PLA2G12B: variants seen among roughly 807,000 people sequenced by gnomAD.
PLA2G12B encodes the protein group XIIB secretory phospholipase A2-like protein.
A neutral mutation model predicts 22.3 loss-of-function variants in PLA2G12B; 19 were observed. The observed-to-expected ratio is 0.85, with a 90% CI of 0.60 to 1.25. The LOEUF (loss-of-function observed/expected upper bound fraction) is 1.25. Among genes scored for constraint, PLA2G12B ranks in the 50% most tolerant of loss-of-function variants. The pLI, the probability that PLA2G12B is intolerant of heterozygous loss-of-function variation, is 0.00. For synonymous variants in PLA2G12B, 81 were observed against 94.9 expected, an observed-to-expected ratio of 0.85 and a Z score of 0.85; for missense variants, 191 against 246.6, an observed-to-expected ratio of 0.77 and a Z score of 1.51.
At chr10:72,952,856 C>T (rs1846553805) in intron 1 of PLA2G12B, among the ~76,000 whole-genome samples, 1 of 152,198 alleles carries the variant, frequency 6.6e-6, no homozygotes, top group Non-Finnish European at 1.5e-5. Context: ...GCCAGAGGCT[C>T]CGCAACTAAA....
At chr10:72,941,429 C>T (rs537421064) in intron 2 of PLA2G12B, 95 bp from the exon 3 acceptor site, 1 of 1,226,854 alleles carries the variant, frequency 8.2e-7, no homozygotes, top group East Asian at 2.3e-5. Flanking sequence ...TATTAACTAG[C>T]TGGTTCTCAC....
At chr10:72,947,758 C>G (rs541722079) in intron 1 of PLA2G12B, among the ~76,000 whole-genome samples, 2 of 152,178 alleles carry the variant, frequency 1.3e-5, no homozygotes, top group African/African-American at 2.4e-5. Flanking sequence ...ATGGCTTACA[C>G]GGCAGAAATT....
rs367742390 is a variant in PLA2G12B, at chr10:72,947,686, A to C, written c.212-4946T>G. Among the ~76,000 whole-genome samples, 12 of 152,294 alleles carry C rather than the reference A, an allele frequency of 7.9e-5. No individual in the cohort carries two copies. In the East Asian group the frequency reaches 2.1e-3, roughly 27 times the overall value. The stretch of plus-strand genomic sequence containing the variant: ...CACCCCCAAGGTAGACCTTGTGCCC[A>C]TTCAGCAGTCATTCCCTGTCTCAGG... On this transcript the variant is annotated intron_variant, in intron 1 of 3. Transcript: ENST00000373032.
chr10:72,943,255 C>A (rs1589541628), intron 1 of PLA2G12B, among the ~76,000 whole-genome samples: 3 of 152,278 alleles, frequency 2.0e-5, no homozygotes, highest in South Asian at 4.2e-4. Context: ...CGTGAGCCAC[C>A]ACACCCAATA....
intron 1 of PLA2G12B, 123 bp downstream of exon 1, chr10:72,954,352 C>T (rs1174190459): frequency 1.2e-5 from 14 of 1,164,628 alleles, no homozygotes; most frequent in Non-Finnish European, 1.7e-5. Context: ...ACATTTTTAT[C>T]TGCTAAATCT....
At position 72,954,492 on chromosome 10, in the gene PLA2G12B, T is replaced by A; in HGVS notation, c.194A>T (p.Gln65Leu). Residue 65 changes from glutamine to leucine, a missense_variant, in exon 1 of 4, where the codon CAG becomes CTG. Gln to Leu is a moderately radical substitution (Grantham distance 113). Transcript: ENST00000373032. Reference sequence around the variant, plus strand: ...ACACTCACCATATCGGCACCTGTACTGACAGACTCCATTCTTCCCTCCCAG... The same window carrying A: ...ACACTCACCATATCGGCACCTGTACAGACAGACTCCATTCTTCCCTCCCAG... Reference protein sequence around the residue: ...ELLGGKNGVCQYRCRYGKAPM... With the variant: ...ELLGGKNGVCLYRCRYGKAPM... The A allele has an allele frequency of 6.2e-7, 1 of 1,614,194 alleles. No individual in the cohort carries two copies. The highest frequency in any genetic ancestry group is 1.7e-5 in the Admixed American group (1 of 60,016).
chr10:72,951,453 T>TC (rs1491521330), intron 1 of PLA2G12B, among the ~76,000 whole-genome samples: 10 of 99,460 alleles, frequency 1.0e-4, no homozygotes, highest in African/African-American at 2.5e-4. Flanking sequence ...CACAGACTCC[T>TC]TTTTTTTTTT....
chr10:72,948,869 A>G (rs563027220), intron 1 of PLA2G12B, among the ~76,000 whole-genome samples: 1 of 152,368 alleles, frequency 6.6e-6, no homozygotes, highest in South Asian at 2.1e-4. Context: ...TAAAAGACCA[A>G]CTGGAGGGAG....
At chr10:72,942,769 A>G in intron 1 of PLA2G12B, 29 bp from the exon 2 acceptor site, 1 of 1,518,030 alleles carries the variant, frequency 6.6e-7, no homozygotes, top group Non-Finnish European at 9.0e-7. Flanking sequence ...GAAAGAAGCA[A>G]GAAGAAATAT....
intron 3 of PLA2G12B, among the ~76,000 whole-genome samples, chr10:72,937,593 A>T (rs1306511644): frequency 1.3e-5 from 2 of 152,358 alleles, no homozygotes; most frequent in African/African-American, 2.4e-5. Context: ...CACAAAAATA[A>T]CAATCTATAG....
Position 72,942,461 on chromosome 10 carries a change from G to A in PLA2G12B, c.300+191C>T, listed in dbSNP as rs757591435. On this transcript the variant is annotated intron_variant, in intron 2 of 3. Coordinates refer to ENST00000373032, the MANE Select transcript of PLA2G12B (RefSeq NM_032562.5). ...CTGATCCACTACCAAGGGCTTATCTGAGGGACAGCTGTCCCTGAGAAAAGG... is the reference window on the plus strand; with the variant it reads ...CTGATCCACTACCAAGGGCTTATCTAAGGGACAGCTGTCCCTGAGAAAAGG... Among the ~76,000 whole-genome samples the A allele has an allele frequency of 3.3e-5, 5 of 152,148 alleles. No homozygotes were observed. In the East Asian group the frequency reaches 9.6e-4, roughly 29 times the overall value.
Position 72,942,660 on chromosome 10 carries a change from G to A in PLA2G12B, c.292C>T (p.Pro98Ser), listed in dbSNP as rs1846381108. The change falls in exon 2 of 4, where the codon CCA (proline) becomes TCA (serine). Residue 98 changes from proline to serine, a missense_variant. Physicochemically the swap from Pro to Ser is moderately conservative, Grantham distance 74 (BLOSUM62 -1). Transcript: ENST00000373032. ...ATGCTGGCAGTACATACACTTTCTGGTACCTTGAGACCCAGGAAATAGGAG... is the reference window on the plus strand; with the variant it reads ...ATGCTGGCAGTACATACACTTTCTGATACCTTGAGACCCAGGAAATAGGAG... ...CGSYFLGLKV[P>S]ESMDLGIPAM... 36 of 1,603,450 alleles carry A rather than the reference G, an allele frequency of 2.2e-5. No homozygotes were observed. Among genetic ancestry groups the A allele is most frequent in the Non-Finnish European group, 3.1e-5 (36 of 1,174,994 alleles).
At chr10:72,937,427 A>G (rs1846296161) in intron 3 of PLA2G12B, among the ~76,000 whole-genome samples, 1 of 152,240 alleles carries the variant, frequency 6.6e-6, no homozygotes, top group Non-Finnish European at 1.5e-5. Flanking sequence ...CCCCAAAGAA[A>G]TCCAATTCTA....
intron 1 of PLA2G12B, among the ~76,000 whole-genome samples, chr10:72,952,016 C>G (rs1327061671): frequency 2.0e-5 from 3 of 152,126 alleles, no homozygotes; most frequent in East Asian, 3.9e-4. Flanking sequence ...AGAATGGCAC[C>G]CCTTTACCTT....
At chr10:72,942,799 G>C in intron 1 of PLA2G12B, 59 bp from the exon 2 acceptor site, 1 of 1,407,188 alleles carries the variant, frequency 7.1e-7, no homozygotes, top group Non-Finnish European at 9.7e-7. Context: ...AAGCATTTGG[G>C]AACATTCATC....
intron 2 of PLA2G12B, 74 bp from the exon 3 acceptor site, chr10:72,941,408 GC>G: frequency 6.9e-7 from 1 of 1,447,686 alleles, no homozygotes; most frequent in Non-Finnish European, 9.5e-7. Context: ...AGGCAACCTT[GC>G]CCACCTTGTT....
chr10:72,940,776 T>C (rs1320219790), intron 3 of PLA2G12B, among the ~76,000 whole-genome samples: 1 of 148,190 alleles, frequency 6.7e-6, no homozygotes, highest in Non-Finnish European at 1.5e-5. Flanking sequence ...AAAACAAAAT[T>C]ACAAAAAAAA....
rs191153986 is a variant in PLA2G12B at position 72,949,700 on chromosome 10, G to A, written c.211+4775C>T. Reference sequence around the variant, plus strand: ...GAGAAAATAAAATAATTTCCAGGCCGGGCGCGGTGGCTCACGCCTGTAATC... The same window carrying A: ...GAGAAAATAAAATAATTTCCAGGCCAGGCGCGGTGGCTCACGCCTGTAATC... On this transcript the variant is annotated intron_variant, in intron 1 of 3. Coordinates refer to ENST00000373032, the MANE Select transcript of PLA2G12B (RefSeq NM_032562.5). 3.8e-3 allele frequency among the ~76,000 whole-genome samples: 581 copies of A among 152,192 alleles called. 6 individuals carry two copies. The highest frequency in any genetic ancestry group is 0.013 in the African/African-American group (538 of 41,510).
rs111970002 is a variant in PLA2G12B, at chr10:72,941,451, A to G, written c.301-117T>C. ...TAGCTGGTTCTCACATTTCTGTTGC[A>G]TATCCCGATCAATTCAGAAACACCA... On this transcript the variant is annotated intron_variant, in intron 2 of 3. Coordinates refer to ENST00000373032, the MANE Select transcript of PLA2G12B (RefSeq NM_032562.5). The G allele has an allele frequency of 7.1e-3, 6,940 of 984,036 alleles. 33 individuals are homozygous for G. Among genetic ancestry groups the G allele is most frequent in the Admixed American group, 9.3e-3 (418 of 44,888 alleles). The allele number at this position is 984,036 out of a possible 1,614,324, so 61.0% of individuals were successfully genotyped here.
Sources: gnomAD v4.1 joint callset for allele counts (sites outside exome capture counted in the v4.1 genomes callset) on GRCh38, gnomAD v4.1.1 for gene constraint, MANE v1.5 for transcripts, NCBI Gene and HGNC (gene_info 2026-07-23, HGNC 2026-07-21) for gene names.